PIEZO2: variants seen among roughly 807,000 people sequenced by gnomAD.
PIEZO2 encodes the protein piezo-type mechanosensitive ion channel component 2.
In PIEZO2, 172 loss-of-function variants were observed where a neutral mutation model predicts 337.3. The observed-to-expected ratio is 0.51, with a 90% CI of 0.45 to 0.58. The LOEUF (loss-of-function observed/expected upper bound fraction) is 0.58, where lower values mean the gene tolerates loss of function less well. PIEZO2 is among the 20% of genes least tolerant of loss of function. PIEZO2 has a pLI of 0.00. For missense variants in PIEZO2, 3,028 were observed against 3,391.3 expected, an observed-to-expected ratio of 0.89 and a Z score of 2.66; for synonymous variants, 1,251 against 1,228.5, an observed-to-expected ratio of 1.02 and a Z score of -0.38.
rs1290439753 is a variant in PIEZO2 at position 10,940,114 on chromosome 18, C to T, written c.287-28886G>A. ...CCAGGGAGTGGTTCGCCAGCCTTTC[C>T]TACAAAAAAACACACTTCAGAGGAG... On this transcript the variant is annotated intron_variant, in intron 3 of 55. Transcript: ENST00000674853. This position sits in a 1 kb window ranked among gnomAD's most constrained non-coding sequence, Gnocchi z 5.3. Among the ~76,000 whole-genome samples the T allele has an allele frequency of 6.6e-6, 1 of 152,038 alleles. No individual in the cohort carries two copies. The highest frequency in any genetic ancestry group is 2.4e-5 in the African/African-American group (1 of 41,382).
At chr18:11,073,300 C>T (rs1193216285) in intron 1 of PIEZO2, among the ~76,000 whole-genome samples, 2 of 152,132 alleles carry the variant, frequency 1.3e-5, no homozygotes, top group African/African-American at 4.8e-5. Flanking sequence ...GTAGCTAGAG[C>T]CTCACTTATA....
rs1011118680 is a variant in PIEZO2, at chr18:11,143,087, G to T, written c.64+5438C>A. ...GAGCAAGACTCCGTCTCAAAAAAAA[G>T]AAAAAAGAAAAAGAAAAAGTTTTCC... On this transcript the variant is annotated intron_variant, in intron 1 of 55. Coordinates refer to ENST00000674853, the MANE Select transcript of PIEZO2 (RefSeq NM_001378183.1). This position sits in a 1 kb window ranked among gnomAD's most constrained non-coding sequence, Gnocchi z 4.9. 2.2e-4 allele frequency among the ~76,000 whole-genome samples: 34 copies of T among 151,814 alleles called. No individual in the cohort carries two copies. The highest frequency in any genetic ancestry group is 8.0e-4 in the African/African-American group (33 of 41,390).
At chr18:10,768,377 C>A (rs1598454633) in intron 21 of PIEZO2, among the ~76,000 whole-genome samples, 1 of 152,150 alleles carries the variant, frequency 6.6e-6, no homozygotes, top group African/African-American at 2.4e-5. Flanking sequence ...GATTGGATGT[C>A]ATCACCAAAT....
At chr18:11,010,740 T>C (rs928879892) in intron 2 of PIEZO2, among the ~76,000 whole-genome samples, 19 of 152,294 alleles carry the variant, frequency 1.2e-4, no homozygotes, top group African/African-American at 4.3e-4. Flanking sequence ...AATCCGAGTA[T>C]ATCAAGCCAT....
At chr18:10,741,123 A>G (rs1568006051) in intron 32 of PIEZO2, 21 bp from the exon 33 acceptor site, 3 of 1,526,380 alleles carry the variant, frequency 2.0e-6, no homozygotes, top group South Asian at 1.2e-5. Flanking sequence ...ATACGTCCAC[A>G]TATTAATTCG....
At position 11,128,063 on chromosome 18, in the gene PIEZO2, G is replaced by C. The variant is rs2040236370; in HGVS notation, c.64+20462C>G. 6.6e-6 allele frequency among the ~76,000 whole-genome samples: 1 copy of C among 152,054 alleles called. No individual in the cohort carries two copies. The highest frequency in any genetic ancestry group is 2.1e-4 in the South Asian group (1 of 4,814). ...AGAGTTACACAAAATAAATGCATTT[G>C]ACACTCCTGATTCACCACTCATGAC... On this transcript the variant is annotated intron_variant, in intron 1 of 55. Coordinates refer to ENST00000674853, the MANE Select transcript of PIEZO2 (RefSeq NM_001378183.1). The surrounding 1 kb of genome is among the most constrained non-coding windows in gnomAD (Gnocchi z 4.1).
At chr18:11,082,442 A>G (rs2865138) in intron 1 of PIEZO2, among the ~76,000 whole-genome samples, 1 of 150,840 alleles carries the variant, frequency 6.6e-6, no homozygotes. Flanking sequence ...CTCAGCCTCC[A>G]GAGTAGCTGG....
rs529541402 is a variant in PIEZO2 at position 10,738,553 on chromosome 18, C to T, written c.4709-1843G>A. ...ATGAAACTAGGAAAATGACAGAGCA[C>T]ATTTTCATTCATGCCATCTGTTAAA... On this transcript the variant is annotated intron_variant, in intron 33 of 55. Transcript: ENST00000674853. The T allele has an allele frequency of 4.6e-5, 7 of 152,274 alleles. No individual in the cohort carries two copies. In the East Asian group the frequency reaches 1.3e-3, roughly 29 times the overall value. The allele number at this position is 152,274 out of a possible 1,614,324, so 9.4% of individuals were successfully genotyped here. A position where few individuals can be genotyped will look rare whatever the true frequency, so the allele number is the denominator to read the frequency against.
Position 11,097,472 on chromosome 18 carries a change from T to G in PIEZO2, c.65-31250A>C, listed in dbSNP as rs1174154386. ...AGATGTAGAAGGATTGAGTCCAGAGTTTACTACAGAGAAAGCCCTGAACTG... is the reference window on the plus strand; with the variant it reads ...AGATGTAGAAGGATTGAGTCCAGAGGTTACTACAGAGAAAGCCCTGAACTG... On this transcript the variant is annotated intron_variant, in intron 1 of 55. Transcript: ENST00000674853. This position sits in a 1 kb window ranked among gnomAD's most constrained non-coding sequence, Gnocchi z 5.0. 6.6e-6 allele frequency among the ~76,000 whole-genome samples: 1 copy of G among 152,020 alleles called. No individual in the cohort carries two copies. Among genetic ancestry groups the G allele is most frequent in the African/African-American group, 2.4e-5 (1 of 41,388 alleles).
rs2146224457 is a variant in PIEZO2 at position 11,128,281 on chromosome 18, TGA to T, written c.64+20242_64+20243del. On this transcript the variant is annotated intron_variant, in intron 1 of 55. Transcript: ENST00000674853. The surrounding 1 kb of genome is among the most constrained non-coding windows in gnomAD (Gnocchi z 4.1). ...TCAAATCTGCTAAGATTGCCTTGAGTGAGAGTCTTATCTCCTTAGAGAAAGAG... is the reference window on the plus strand; with the variant it reads ...TCAAATCTGCTAAGATTGCCTTGAGTGAGTCTTATCTCCTTAGAGAAAGAG... Among the ~76,000 whole-genome samples, 1 of 152,240 alleles carries T rather than the reference TGA, an allele frequency of 6.6e-6. No homozygotes were observed. Among genetic ancestry groups the T allele is most frequent in the East Asian group, 1.9e-4 (1 of 5,178 alleles).
At chr18:10,695,023 T>C (rs2035022042) in intron 47 of PIEZO2, among the ~76,000 whole-genome samples, 1 of 152,206 alleles carries the variant, frequency 6.6e-6, no homozygotes, top group South Asian at 2.1e-4. Flanking sequence ...ATATGCTTAT[T>C]AAAAATTCCT....
In PIEZO2 at chr18:11,038,643, C is replaced by G. The variant is rs1440577325; in HGVS notation, c.160+27484G>C. On this transcript the variant is annotated intron_variant, in intron 2 of 55. Coordinates refer to ENST00000674853, the MANE Select transcript of PIEZO2 (RefSeq NM_001378183.1). The surrounding 1 kb of genome is among the most constrained non-coding windows in gnomAD (Gnocchi z 4.1). ...TCAGGAAAGAGCATTCCATCAGAGCCCAGAAACGTGGCTTCCTCTACTGGC... is the reference window on the plus strand; with the variant it reads ...TCAGGAAAGAGCATTCCATCAGAGCGCAGAAACGTGGCTTCCTCTACTGGC... Among the ~76,000 whole-genome samples the G allele has an allele frequency of 6.6e-6, 1 of 152,100 alleles. No individual in the cohort carries two copies. The highest frequency in any genetic ancestry group is 2.4e-5 in the African/African-American group (1 of 41,404).
Position 11,143,610 on chromosome 18 carries a change from C to A in PIEZO2, c.64+4915G>T, listed in dbSNP as rs1203908875. 2.4e-4 allele frequency among the ~76,000 whole-genome samples: 6 copies of A among 25,524 alleles called. No homozygotes were observed. Among genetic ancestry groups the A allele is most frequent in the African/African-American group, 4.4e-4 (6 of 13,706 alleles). 16.7% of individuals were successfully genotyped at this position (25,524 alleles called of 152,430 possible). A position where few individuals can be genotyped will look rare whatever the true frequency, so the allele number is the denominator to read the frequency against. On this transcript the variant is annotated intron_variant, in intron 1 of 55. Coordinates refer to ENST00000674853, the MANE Select transcript of PIEZO2 (RefSeq NM_001378183.1). The surrounding 1 kb of genome is among the most constrained non-coding windows in gnomAD (Gnocchi z 4.9). ...GAACTAAAAATCTCTAACACACACACACACACACACACACACACACACACA... is the reference window on the plus strand; with the variant it reads ...GAACTAAAAATCTCTAACACACACAAACACACACACACACACACACACACA...
In PIEZO2 at chr18:11,036,273, G is replaced by A. The variant is rs147486407; in HGVS notation, c.160+29854C>T. 1.9e-3 allele frequency among the ~76,000 whole-genome samples: 290 copies of A among 152,234 alleles called. 2 individuals are homozygous for A. Among genetic ancestry groups the A allele is most frequent in the South Asian group, 5.0e-3 (24 of 4,824 alleles). On this transcript the variant is annotated intron_variant, in intron 2 of 55. Coordinates refer to ENST00000674853, the MANE Select transcript of PIEZO2 (RefSeq NM_001378183.1). ...GCATCTCACTGTGTCCTCTTCCTGG[G>A]AATGAATAAGCAGAATTGATTCCAA...
chr18:10,932,070 G>T (rs530004019), intron 3 of PIEZO2, among the ~76,000 whole-genome samples: 5 of 152,138 alleles, frequency 3.3e-5, no homozygotes, highest in Non-Finnish European at 7.3e-5. Context: ...TCTGAAAATT[G>T]TATTAGGTTC....
rs568649943 is a variant in PIEZO2, at chr18:10,767,734, C to A, written c.2946+2414G>T. Among the ~76,000 whole-genome samples the A allele has an allele frequency of 6.6e-6, 1 of 152,222 alleles. No homozygotes were observed. The highest frequency in any genetic ancestry group is 6.5e-5 in the Admixed American group (1 of 15,292). ...CTGGTCCTGATGGGGAGGCACAGAG[C>A]ACCCAGAGCTGCTCCAAGGCTGCGG... On this transcript the variant is annotated intron_variant, in intron 21 of 55. Transcript: ENST00000674853. The surrounding 1 kb of genome is among the most constrained non-coding windows in gnomAD (Gnocchi z 4.2).
intron 37 of PIEZO2, among the ~76,000 whole-genome samples, chr18:10,717,276 C>T (rs2143903255): frequency 6.6e-6 from 1 of 152,284 alleles, no homozygotes; most frequent in East Asian, 1.9e-4. Context: ...GGCTTTGCAG[C>T]AATAAGAGTG....
chr18:11,049,911 A>G (rs1453380586), intron 2 of PIEZO2, among the ~76,000 whole-genome samples: 1 of 152,232 alleles, frequency 6.6e-6, no homozygotes, highest in East Asian at 1.9e-4. Context: ...AGGTGAAGCC[A>G]TATTTTAGAT....
At position 10,742,575 on chromosome 18, in the gene PIEZO2, C is replaced by G; in HGVS notation, c.4555G>C (p.Gly1519Arg). The change falls in exon 32 of 56, where the codon GGT becomes CGT. Residue 1519 changes from glycine (G) to arginine (R), a missense_variant. Gly to Arg is a moderately radical substitution (Grantham distance 125). Transcript: ENST00000674853. The stretch of plus-strand genomic sequence containing the variant: ...GTCAAGCTCAGCATCCTCTCCTTAC[C>G]CTTTTTATATTTCTGTTGCCTGGCC... ...IKARQQKYKK[G>R]KERMLSLTQE... The G allele has an allele frequency of 6.5e-7, 1 of 1,537,172 alleles. No homozygotes were observed. The highest frequency in any genetic ancestry group is 8.7e-7 in the Non-Finnish European group (1 of 1,146,874).
Sources: allele counts gnomAD v4.1 joint callset (sites outside exome capture counted in the v4.1 genomes callset), GRCh38; gene constraint gnomAD v4.1.1; non-coding constraint Gnocchi (gnomAD v3.1); transcripts MANE v1.5; gene names NCBI Gene and HGNC (gene_info 2026-07-23, HGNC 2026-07-21).